Variants in AUTS2 observed in about 807,000 individuals in gnomAD.
The protein encoded by AUTS2 is activator of transcription and developmental regulator AUTS2, also known as autism susceptibility gene 2 protein.
A neutral mutation model predicts 112.4 loss-of-function variants in AUTS2; 17 were observed. That is an observed-to-expected ratio of 0.15 (90% CI 0.10 to 0.23). AUTS2 has a LOEUF of 0.23. Ranked by LOEUF, AUTS2 falls within the 10% of genes least tolerant of loss-of-function variation. The pLI, the probability that AUTS2 is intolerant of heterozygous loss-of-function variation, is 1.00. For synonymous variants in AUTS2, 751 were observed against 702.7 expected (o/e 1.07, Z -1.09); for missense variants, 1,510 against 1,701.6 (o/e 0.89, Z 1.98).
At chr7:70,028,102 A>G (rs1041298590) in intron 2 of AUTS2, among the ~76,000 whole-genome samples, 4 of 149,192 alleles carry the variant, frequency 2.7e-5, no homozygotes, top group African/African-American at 9.9e-5. Flanking sequence ...ACACGTGCAT[A>G]CTTTTGCATG....
chr7:70,129,589 A>G (rs1383201940), intron 3 of AUTS2, among the ~76,000 whole-genome samples: 1 of 152,192 alleles, frequency 6.6e-6, no homozygotes, highest in Non-Finnish European at 1.5e-5. Flanking sequence ...ACAGGTTATT[A>G]TCTTAAAAGC....
intron 6 of AUTS2, chr7:70,729,139 C>T: frequency 2.2e-6 from 1 of 456,542 alleles, no homozygotes; most frequent in South Asian, 1.5e-5. Context: ...CCCTCCATCA[C>T]TCTTTTTCTC....
At chr7:69,994,565 T>C (rs1054697783) in intron 2 of AUTS2, among the ~76,000 whole-genome samples, 2 of 152,204 alleles carry the variant, frequency 1.3e-5, no homozygotes, top group Non-Finnish European at 2.9e-5. Context: ...TATGTTTTGA[T>C]TAGGCATTTT....
At chr7:69,895,641 C>T (rs760544541) in intron 1 of AUTS2, among the ~76,000 whole-genome samples, 10 of 151,352 alleles carry the variant, frequency 6.6e-5, no homozygotes, top group Non-Finnish European at 8.8e-5. Context: ...GCTAATGTCA[C>T]GGCATGGGGT....
chr7:69,804,049 C>A lies in AUTS2; in HGVS notation c.310-95237C>A, dbSNP rs73170895. Among the ~76,000 whole-genome samples, 895 of 152,094 alleles carry A rather than the reference C, an allele frequency of 5.9e-3. 11 individuals are homozygous for A. Among genetic ancestry groups the A allele is most frequent in the Non-Finnish European group, 6.6e-3 (446 of 67,954 alleles). Reference sequence around the variant, plus strand: ...TCTTGTCTCAAAGAAAATTTTTTTTCATTTTCCATTGACACCATACTAAAC... The same window carrying A: ...TCTTGTCTCAAAGAAAATTTTTTTTAATTTTCCATTGACACCATACTAAAC... On this transcript the variant is annotated intron_variant, in intron 1 of 18. Transcript: ENST00000342771.
At chr7:69,796,636 A>G (rs908301911) in intron 1 of AUTS2, among the ~76,000 whole-genome samples, 6 of 152,164 alleles carry the variant, frequency 3.9e-5, no homozygotes, top group Admixed American at 2.6e-4. Context: ...GAAAACATTT[A>G]TGGTCATACC....
chr7:69,990,783 T>C (rs1798712851), intron 2 of AUTS2, among the ~76,000 whole-genome samples: 2 of 152,336 alleles, frequency 1.3e-5, no homozygotes, highest in South Asian at 4.2e-4. Flanking sequence ...ATTTTGGATT[T>C]TGGAATATCT....
At chr7:70,273,765 G>T (rs1405570634) in intron 4 of AUTS2, among the ~76,000 whole-genome samples, 2 of 152,016 alleles carry the variant, frequency 1.3e-5, no homozygotes, top group African/African-American at 4.8e-5. Context: ...GTATGTGTGG[G>T]TTTTGCATCT....
chr7:69,817,209 A>G (rs1020816635), intron 1 of AUTS2, among the ~76,000 whole-genome samples: 2 of 152,210 alleles, frequency 1.3e-5, no homozygotes, highest in African/African-American at 4.8e-5. Context: ...TGACAATTGC[A>G]TAGTAAAGGG....
intron 5 of AUTS2, among the ~76,000 whole-genome samples, chr7:70,608,892 T>C (rs1430426355): frequency 2.0e-5 from 3 of 152,244 alleles, no homozygotes; most frequent in African/African-American, 2.4e-5. Flanking sequence ...CAAGGTGCTG[T>C]CATATCACTA....
intron 1 of AUTS2, among the ~76,000 whole-genome samples, chr7:69,890,360 C>T (rs943791358): frequency 1.3e-5 from 2 of 152,106 alleles, no homozygotes; most frequent in Non-Finnish European, 2.9e-5. Context: ...CTCTTCTCAC[C>T]TTTGACAGTG....
intron 5 of AUTS2, among the ~76,000 whole-genome samples, chr7:70,514,362 G>C (rs768768461): frequency 5.3e-5 from 8 of 152,188 alleles, no homozygotes; most frequent in African/African-American, 1.9e-4. Flanking sequence ...TCGGCTTATG[G>C]TTCTACTGGC....
At chr7:70,718,504 A>G (rs909403687) in intron 6 of AUTS2, among the ~76,000 whole-genome samples, 1 of 152,188 alleles carries the variant, frequency 6.6e-6, no homozygotes, top group Non-Finnish European at 1.5e-5. Context: ...CTCTACAAAA[A>G]TACAAAATAT....
intron 4 of AUTS2, among the ~76,000 whole-genome samples, chr7:70,205,920 T>G (rs954322791): frequency 2.0e-5 from 3 of 152,154 alleles, no homozygotes; most frequent in African/African-American, 7.2e-5. Context: ...TTAGAGGAGG[T>G]AGCAGTTAAG....
intron 5 of AUTS2, among the ~76,000 whole-genome samples, chr7:70,478,064 A>G (rs554845329): frequency 1.4e-4 from 22 of 152,258 alleles, no homozygotes; most frequent in Admixed American, 9.2e-4. Context: ...AAGCACACCT[A>G]TTAGTTGAAA....
intron 5 of AUTS2, among the ~76,000 whole-genome samples, chr7:70,665,703 G>C (rs879429245): frequency 3.9e-5 from 6 of 152,132 alleles, no homozygotes; most frequent in Admixed American, 2.0e-4. Flanking sequence ...ATGGATTTTA[G>C]ATGTGGGGCT....
chr7:70,610,452 T>TTC (rs1804033876), intron 5 of AUTS2, among the ~76,000 whole-genome samples: 2 of 93,000 alleles, frequency 2.2e-5, no homozygotes, highest in African/African-American at 9.1e-5. Context: ...TTTTTTTTTT[T>TTC]CCTGACAGAG....
chr7:69,739,415 A>G (rs1227054123), intron 1 of AUTS2, among the ~76,000 whole-genome samples: 1 of 152,166 alleles, frequency 6.6e-6, no homozygotes, highest in Non-Finnish European at 1.5e-5. Flanking sequence ...TGACACAGCC[A>G]GGCTCCTGAT....
chr7:70,263,687 G>C (rs1335224877), intron 4 of AUTS2, among the ~76,000 whole-genome samples: 1 of 152,176 alleles, frequency 6.6e-6, no homozygotes, highest in Non-Finnish European at 1.5e-5. Context: ...TCCATGTGAA[G>C]GAACTGGCAA....
Sources: allele counts gnomAD v4.1 joint callset (sites outside exome capture counted in the v4.1 genomes callset), GRCh38; gene constraint gnomAD v4.1.1; transcripts MANE v1.5; gene names NCBI Gene and HGNC (gene_info 2026-07-23, HGNC 2026-07-21).